Variants in PTPRD observed in about 807,000 individuals in gnomAD.
The protein encoded by PTPRD is protein tyrosine phosphatase receptor type D.
A neutral mutation model predicts 214.5 loss-of-function variants in PTPRD; 34 were observed. The observed-to-expected ratio is 0.16, with a 90% CI of 0.12 to 0.21. The LOEUF (loss-of-function observed/expected upper bound fraction) is 0.21. Ranked by LOEUF, PTPRD falls within the 10% of genes least tolerant of loss-of-function variation. The pLI is 1.00. For missense variants in PTPRD, 2,545 were observed against 2,398.7 expected (o/e 1.06, Z -1.27); for synonymous variants, 1,128 against 845.7 (o/e 1.33, Z -5.79).
intron 3 of PTPRD, among the ~76,000 whole-genome samples, chr9:10,108,090 G>A (rs143753804): frequency 1.3e-5 from 2 of 152,164 alleles, no homozygotes; most frequent in African/African-American, 4.8e-5. Context: ...ACATCTGTGG[G>A]TGTCCAATCA....
intron 21 of PTPRD, among the ~76,000 whole-genome samples, chr9:8,512,713 A>C (rs970292241): frequency 6.6e-5 from 10 of 152,014 alleles, no homozygotes; most frequent in African/African-American, 2.4e-4. Flanking sequence ...GTATATCCAT[A>C]TAAGTCAGAT....
At chr9:9,529,846 A>C (rs1331593531) in intron 8 of PTPRD, among the ~76,000 whole-genome samples, 2 of 151,064 alleles carry the variant, frequency 1.3e-5, no homozygotes, top group Non-Finnish European at 3.0e-5. Context: ...TACACACACT[A>C]TATATATATA....
chr9:8,427,964 A>C (rs1448244479), intron 35 of PTPRD, among the ~76,000 whole-genome samples: 1 of 152,188 alleles, frequency 6.6e-6, no homozygotes, highest in Non-Finnish European at 1.5e-5. Flanking sequence ...TACTGGTGTC[A>C]GGAAACCTGA....
At chr9:10,471,161 G>A (rs1378266476) in intron 2 of PTPRD, among the ~76,000 whole-genome samples, 2 of 45,194 alleles carry the variant, frequency 4.4e-5, no homozygotes, top group South Asian at 1.0e-3. Flanking sequence ...GGGGGCTAGG[G>A]GAAGGACACA....
In PTPRD at chr9:8,321,487, GTATATA is replaced by G. The variant is rs750825729; in HGVS notation, c.5535-1527_5535-1522del. Among the ~76,000 whole-genome samples, 262 of 44,526 alleles carry G rather than the reference GTATATA, an allele frequency of 5.9e-3. 4 individuals are homozygous for G. The highest frequency in any genetic ancestry group is 0.037 in the Middle Eastern group (2 of 54). The allele number at this position is 44,526 out of a possible 152,430, so 29.2% of individuals were successfully genotyped here. ...TGTGTGTGTGTGTGTGTGTGTGTGT[GTATATA>G]TATATATATATATATATATATATAT... On this transcript the variant is annotated intron_variant, in intron 44 of 45. Coordinates refer to ENST00000381196, the MANE Select transcript of PTPRD (RefSeq NM_002839.4).
chr9:9,912,383 T>A (rs981705912), intron 5 of PTPRD, among the ~76,000 whole-genome samples: 1 of 152,164 alleles, frequency 6.6e-6, no homozygotes. Context: ...CAGTCTCCCT[T>A]GTCAAATGCC....
At chr9:8,747,270 G>C (rs900431658) in intron 11 of PTPRD, among the ~76,000 whole-genome samples, 5 of 152,018 alleles carry the variant, frequency 3.3e-5, no homozygotes, top group Non-Finnish European at 7.4e-5. Context: ...CCTCACTCAG[G>C]CACTAGAATT....
chr9:8,436,801 G>T, intron 34 of PTPRD, 112 bp from the exon 35 acceptor site: 1 of 814,206 alleles, frequency 1.2e-6, no homozygotes, highest in Non-Finnish European at 2.0e-6. Context: ...TATGTGAGTA[G>T]TAAAGATGTT....
chr9:10,304,120 A>G (rs941299338), intron 3 of PTPRD, among the ~76,000 whole-genome samples: 1 of 152,220 alleles, frequency 6.6e-6, no homozygotes, highest in Non-Finnish European at 1.5e-5. Context: ...TATGCAAATC[A>G]ATATATGTAA....
intron 26 of PTPRD, among the ~76,000 whole-genome samples, chr9:8,495,402 C>A (rs2097241196): frequency 6.6e-6 from 1 of 152,190 alleles, no homozygotes; most frequent in African/African-American, 2.4e-5. Flanking sequence ...AACTCTGTTG[C>A]ATTTTTATCA....
intron 3 of PTPRD, among the ~76,000 whole-genome samples, chr9:10,331,010 TCTC>T (rs1166988873): frequency 1.3e-5 from 2 of 151,792 alleles, no homozygotes; most frequent in Non-Finnish European, 2.9e-5. Flanking sequence ...TTGTCCTTGT[TCTC>T]CTCTACTTCA....
intron 11 of PTPRD, among the ~76,000 whole-genome samples, chr9:8,928,822 A>C (rs2098923404): frequency 6.6e-6 from 1 of 152,210 alleles, no homozygotes; most frequent in Non-Finnish European, 1.5e-5. Flanking sequence ...CCTATCCATG[A>C]GGATGGAATG....
intron 2 of PTPRD, among the ~76,000 whole-genome samples, chr9:10,446,235 A>G (rs2098798109): frequency 6.6e-6 from 1 of 151,970 alleles, no homozygotes; most frequent in Non-Finnish European, 1.5e-5. Flanking sequence ...TGACTTAATA[A>G]TATGTTTTTA....
chr9:8,814,595 G>A (rs1233305525), intron 11 of PTPRD, among the ~76,000 whole-genome samples: 2 of 152,178 alleles, frequency 1.3e-5, no homozygotes, highest in African/African-American at 4.8e-5. Context: ...GAAATTGTGA[G>A]TGAAAATAGA....
At chr9:9,000,915 G>T (rs931353494) in intron 11 of PTPRD, among the ~76,000 whole-genome samples, 2 of 151,948 alleles carry the variant, frequency 1.3e-5, no homozygotes, top group African/African-American at 4.8e-5. Context: ...AGGTAGCAGG[G>T]AGATGTCAGT....
intron 9 of PTPRD, among the ~76,000 whole-genome samples, chr9:9,347,040 G>T (rs73393028): frequency 5.3e-5 from 8 of 151,940 alleles, no homozygotes; most frequent in Non-Finnish European, 1.2e-4. Flanking sequence ...GTTGGCGCAC[G>T]CTTGTAACCT....
intron 2 of PTPRD, among the ~76,000 whole-genome samples, chr9:10,389,879 T>G (rs557797113): frequency 6.6e-6 from 1 of 151,858 alleles, no homozygotes; most frequent in South Asian, 2.1e-4. Context: ...TGAAGGCACC[T>G]TTAGAAGTAG....
intron 3 of PTPRD, among the ~76,000 whole-genome samples, chr9:10,241,939 A>G (rs994108667): frequency 6.6e-6 from 1 of 151,960 alleles, no homozygotes; most frequent in African/African-American, 2.4e-5. Flanking sequence ...CATAAAACCA[A>G]AGCTATATTT....
At chr9:8,396,985 T>C (rs1171199251) in intron 36 of PTPRD, among the ~76,000 whole-genome samples, 1 of 152,160 alleles carries the variant, frequency 6.6e-6, no homozygotes, top group African/African-American at 2.4e-5. Context: ...TCATCACAGT[T>C]GCAAACGATT....
Sources: allele counts gnomAD v4.1 joint callset (sites outside exome capture counted in the v4.1 genomes callset), GRCh38; gene constraint gnomAD v4.1.1; transcripts MANE v1.5; gene names NCBI Gene and HGNC (gene_info 2026-07-23, HGNC 2026-07-21).